Variants in ZHX2 observed in about 807,000 individuals in gnomAD.
ZHX2 encodes zinc fingers and homeoboxes 2.
A neutral mutation model predicts 21.9 loss-of-function variants in ZHX2; 6 were observed. The observed-to-expected ratio is 0.27, with a 90% CI of 0.15 to 0.54. ZHX2 has a LOEUF of 0.54. Ranked by LOEUF, ZHX2 falls within the 20% of genes least tolerant of loss-of-function variation. The pLI is 0.95. For missense variants in ZHX2, 908 were observed against 1,090.7 expected, an observed-to-expected ratio of 0.83 and a Z score of 2.36; for synonymous variants, 434 against 437.1, an observed-to-expected ratio of 0.99 and a Z score of 0.09.
chr8:122,852,316 C>A (rs778767019), intron 1 of ZHX2, among the ~76,000 whole-genome samples: 3 of 152,134 alleles, frequency 2.0e-5, no homozygotes, highest in Non-Finnish European at 2.9e-5. Flanking sequence ...AAATACCTTG[C>A]GGCTTTAAAT....
At chr8:122,923,452 T>G (rs1184660980) in intron 2 of ZHX2, among the ~76,000 whole-genome samples, 1 of 152,224 alleles carries the variant, frequency 6.6e-6, no homozygotes, top group Non-Finnish European at 1.5e-5. Flanking sequence ...CTGTCGTAGG[T>G]TCTTAAATAT....
rs779601120 is a variant in ZHX2, at chr8:122,951,899, C to T, written c.389C>T (p.Ser130Phe). Residue 130 changes from serine to phenylalanine, a missense_variant, in exon 3 of 4, where the codon TCC becomes TTC. Ser to Phe is a radical substitution (Grantham distance 155, BLOSUM62 -2). This residue lies in a region of ZHX2 where 220 missense variants were observed against 251.4 expected (regional missense o/e 0.88). Transcript: ENST00000314393. ...TACGACTCCCTATCCGACCACAACT[C>T]CAAGTTCCATCCCGGGGAGGCCAAC... ...KKYDSLSDHN[S>F]KFHPGEANFK... is the part of the protein sequence containing the mutation. 4.2e-5 allele frequency: 67 copies of T among 1,614,014 alleles called. 1 individual carries two copies. In the South Asian group the frequency reaches 7.4e-4, roughly 18 times the overall value.
Position 122,951,924 on chromosome 8 carries a change from C to T in ZHX2, c.414C>T (p.Asn138=). 6.2e-7 allele frequency: 1 copy of T among 1,614,096 alleles called. No homozygotes were observed. The highest frequency in any genetic ancestry group is 8.5e-7 in the Non-Finnish European group (1 of 1,180,024). The change falls in exon 3 of 4, where the codon AAC becomes AAT. Residue 138 remains asparagine, a synonymous_variant. Transcript: ENST00000314393. ...HNSKFHPGEA[N]FKLKLIKRNN... is the part of the protein sequence containing the mutation. ...CCAAGTTCCATCCCGGGGAGGCCAACTTCAAGCTGAAGTTAATTAAACGCA... is the reference window on the plus strand; with the variant it reads ...CCAAGTTCCATCCCGGGGAGGCCAATTTCAAGCTGAAGTTAATTAAACGCA...
rs763609693 is a variant in ZHX2 at position 122,951,507 on chromosome 8, C to T, written c.-4C>T. 9.3e-6 allele frequency: 15 copies of T among 1,608,374 alleles called. No individual in the cohort carries two copies. The highest frequency in any genetic ancestry group is 2.7e-5 in the African/African-American group (2 of 74,740). ...AAATAAGCCATTGCACACAGACAGG[C>T]AGCATGGCTAGCAAACGAAAATCTA... On this transcript the variant is annotated 5_prime_UTR_variant, in exon 3 of 4. Coordinates refer to ENST00000314393, the MANE Select transcript of ZHX2 (RefSeq NM_014943.5).
chr8:122,875,369 G>T (rs936169544), intron 2 of ZHX2, among the ~76,000 whole-genome samples: 2 of 151,808 alleles, frequency 1.3e-5, no homozygotes, highest in Non-Finnish European at 2.9e-5. Flanking sequence ...GGTTGCATGT[G>T]GCCCACAAAG....
At chr8:122,905,233 A>G (rs1164134364) in intron 2 of ZHX2, among the ~76,000 whole-genome samples, 7 of 152,262 alleles carry the variant, frequency 4.6e-5, no homozygotes, top group East Asian at 1.9e-4. Flanking sequence ...TAAATTTACA[A>G]TAAGACACAT....
chr8:122,816,079 C>CAAA (rs71310626), intron 1 of ZHX2, among the ~76,000 whole-genome samples: 4 of 90,232 alleles, frequency 4.4e-5, no homozygotes, highest in Admixed American at 2.6e-4. Flanking sequence ...GACTCCGTCT[C>CAAA]AAAAAAAAAA....
At chr8:122,849,605 T>C (rs1290593375) in intron 1 of ZHX2, among the ~76,000 whole-genome samples, 1 of 152,154 alleles carries the variant, frequency 6.6e-6, no homozygotes, top group African/African-American at 2.4e-5. Flanking sequence ...CGTCACCTTC[T>C]CCTGTTCTGT....
chr8:122,859,287 C>G (rs988006862), intron 1 of ZHX2, among the ~76,000 whole-genome samples: 1 of 152,226 alleles, frequency 6.6e-6, no homozygotes, highest in Non-Finnish European at 1.5e-5. Context: ...AGTCCCAGCT[C>G]TGAGAATAAT....
At chr8:122,820,087 G>A (rs1818110667) in intron 1 of ZHX2, among the ~76,000 whole-genome samples, 1 of 152,194 alleles carries the variant, frequency 6.6e-6, no homozygotes, top group African/African-American at 2.4e-5. Flanking sequence ...AAAAGAAGGG[G>A]TGATCTAATG....
In ZHX2 at chr8:122,953,502, G is replaced by A; in HGVS notation, c.1992G>A (p.Lys664=). 6.2e-7 allele frequency: 1 copy of A among 1,614,250 alleles called. No homozygotes were observed. The highest frequency in any genetic ancestry group is 1.6e-4 in the Middle Eastern group (1 of 6,062). Reference sequence around the variant, plus strand: ...AGGAGTACGACCAGTTAGCGGCCAAGACTGGCCTGGTCCGAACTGAGATTG... The same window carrying A: ...AGGAGTACGACCAGTTAGCGGCCAAAACTGGCCTGGTCCGAACTGAGATTG... ...TPQEYDQLAA[K]TGLVRTEIVR... is the part of the protein sequence containing the mutation. Residue 664 remains lysine, a synonymous_variant, in exon 3 of 4, where the codon AAG becomes AAA. Coordinates refer to ENST00000314393, the MANE Select transcript of ZHX2 (RefSeq NM_014943.5). This position sits in a 1 kb window ranked among gnomAD's most constrained non-coding sequence, Gnocchi z 4.6.
chr8:122,945,401 C>T (rs1350954299), intron 2 of ZHX2, among the ~76,000 whole-genome samples: 2 of 120,290 alleles, frequency 1.7e-5, no homozygotes, highest in Non-Finnish European at 3.2e-5. Flanking sequence ...TCTATGTAGA[C>T]TGATCATTTC....
At chr8:122,869,958 C>G (rs1201873821) in intron 2 of ZHX2, among the ~76,000 whole-genome samples, 1 of 152,144 alleles carries the variant, frequency 6.6e-6, no homozygotes, top group African/African-American at 2.4e-5. Flanking sequence ...AGTAAATGAA[C>G]ACAGAAGTCA....
At position 122,790,479 on chromosome 8, in the gene ZHX2, C is replaced by T. The variant is rs566474007; in HGVS notation, c.-283+8533C>T. Among the ~76,000 whole-genome samples the T allele has an allele frequency of 2.0e-5, 3 of 152,298 alleles. No individual in the cohort carries two copies. The East Asian group carries it at 5.8e-4, about 29-fold the overall frequency. On this transcript the variant is annotated intron_variant, in intron 1 of 3. Coordinates refer to ENST00000314393, the MANE Select transcript of ZHX2 (RefSeq NM_014943.5). ...CCTTCAGGAAGGTCATAGTCATTGG[C>T]ACTTAGCTACAACATCTGCTGCCCA...
chr8:122,972,811 A>G (rs944143297), intron 3 of ZHX2, among the ~76,000 whole-genome samples: 1 of 152,216 alleles, frequency 6.6e-6, no homozygotes, highest in Admixed American at 6.5e-5. Flanking sequence ...AGAGTGATCA[A>G]GTCCTATAGG....
At chr8:122,958,037 ATAAT>A (rs1419272431) in intron 3 of ZHX2, among the ~76,000 whole-genome samples, 21 of 152,354 alleles carry the variant, frequency 1.4e-4, no homozygotes, top group African/African-American at 5.1e-4. Context: ...TAATCCTGAA[ATAAT>A]TCATGGTTTT....
chr8:122,842,312 C>G (rs1818649834), intron 1 of ZHX2, among the ~76,000 whole-genome samples: 1 of 152,244 alleles, frequency 6.6e-6, no homozygotes, highest in South Asian at 2.1e-4. Context: ...GCTTCCCCAG[C>G]CTACTTCCTA....
chr8:122,799,494 A>G (rs1232573853), intron 1 of ZHX2, among the ~76,000 whole-genome samples: 1 of 152,242 alleles, frequency 6.6e-6, no homozygotes, highest in Non-Finnish European at 1.5e-5. Flanking sequence ...TGGGGGAGAT[A>G]AGAATCCAGA....
intron 1 of ZHX2, among the ~76,000 whole-genome samples, chr8:122,852,677 G>T (rs6982380): frequency 0.33 from 49,571 of 151,954 alleles, 8,305 homozygotes; most frequent in South Asian, 0.37. Flanking sequence ...GAGAATCTGG[G>T]AGGAGTTTTG....
Sources: allele counts gnomAD v4.1 joint callset (sites outside exome capture counted in the v4.1 genomes callset), GRCh38; gene constraint gnomAD v4.1.1; regional missense constraint gnomAD v4.1.1; non-coding constraint Gnocchi (gnomAD v3.1); transcripts MANE v1.5; gene names NCBI Gene and HGNC (gene_info 2026-07-23, HGNC 2026-07-21).